CREB5: variants seen among roughly 807,000 people sequenced by gnomAD.
CREB5 encodes the protein cAMP responsive element binding protein 5.
CREB5 carries 19 observed loss-of-function variants against 57.1 expected under a neutral mutation model. The observed-to-expected ratio is 0.33, with a 90% CI of 0.23 to 0.49. The LOEUF is 0.49. Ranked by LOEUF, CREB5 falls within the 20% of genes least tolerant of loss-of-function variation. The pLI, the probability that CREB5 is intolerant of heterozygous loss-of-function variation, is 0.99. For synonymous variants in CREB5, 238 were observed against 238.3 expected, an observed-to-expected ratio of 1.00 and a Z score of 0.01; for missense variants, 579 against 671.6, an observed-to-expected ratio of 0.86 and a Z score of 1.52.
chr7:28,494,732 C>CT (rs1791946887), intron 2 of CREB5, among the ~76,000 whole-genome samples, 174 bp from the exon 3 acceptor site: 1 of 151,086 alleles, frequency 6.6e-6, no homozygotes, highest in African/African-American at 2.4e-5. Flanking sequence ...CATAAAAAAG[C>CT]TTTGCAACTT....
chr7:28,754,956 A>C (rs895394155), intron 7 of CREB5, among the ~76,000 whole-genome samples: 2 of 152,236 alleles, frequency 1.3e-5, no homozygotes, highest in Non-Finnish European at 2.9e-5. Flanking sequence ...CTGAGGCCTG[A>C]GCATATAAAC....
At chr7:28,465,923 T>G (rs2128578939) in intron 1 of CREB5, among the ~76,000 whole-genome samples, 1 of 152,306 alleles carries the variant, frequency 6.6e-6, no homozygotes, top group Non-Finnish European at 1.5e-5. Flanking sequence ...GAGAGACTAT[T>G]TCTCTTGCCT....
At chr7:28,428,773 A>T (rs1361339367) in intron 1 of CREB5, among the ~76,000 whole-genome samples, 1 of 152,148 alleles carries the variant, frequency 6.6e-6, no homozygotes, top group Admixed American at 6.5e-5. Context: ...TCAGGATCAT[A>T]GTCTTGGGCA....
intron 4 of CREB5, among the ~76,000 whole-genome samples, chr7:28,526,072 G>T (rs1793436480): frequency 1.3e-5 from 2 of 152,170 alleles, no homozygotes; most frequent in African/African-American, 2.4e-5. Flanking sequence ...AATGTTCCCT[G>T]GATTTTAGGT....
chr7:28,793,989 T>G (rs1276930174), intron 7 of CREB5, among the ~76,000 whole-genome samples: 1 of 152,154 alleles, frequency 6.6e-6, no homozygotes, highest in Non-Finnish European at 1.5e-5. Flanking sequence ...TGGAGTAAAG[T>G]TTGCTGTGGG....
At chr7:28,778,304 A>C (rs1450871171) in intron 7 of CREB5, among the ~76,000 whole-genome samples, 1 of 152,230 alleles carries the variant, frequency 6.6e-6, no homozygotes, top group Non-Finnish European at 1.5e-5. Context: ...TTAGCTTTTG[A>C]ATTAAAAGCA....
At chr7:28,433,813 A>T (rs911796837) in intron 1 of CREB5, among the ~76,000 whole-genome samples, 9 of 151,730 alleles carry the variant, frequency 5.9e-5, no homozygotes, top group Admixed American at 2.0e-4. Context: ...TACGTTTAGA[A>T]TCATGCCACT....
chr7:28,598,333 CCT>C (rs1796769803), intron 5 of CREB5, among the ~76,000 whole-genome samples: 1 of 152,160 alleles, frequency 6.6e-6, no homozygotes. Flanking sequence ...TCCAATTAAA[CCT>C]CTTTTTCTTC....
intron 4 of CREB5, among the ~76,000 whole-genome samples, chr7:28,560,866 C>CGTGTGTGTGTGCG (rs1562797336): frequency 2.0e-5 from 1 of 50,264 alleles, no homozygotes; most frequent in African/African-American, 7.0e-5. Flanking sequence ...GTGCGTGTGC[C>CGTGTGTGTGTGCG]TGCGTGCGCG....
intron 5 of CREB5, among the ~76,000 whole-genome samples, chr7:28,586,510 G>A (rs572490138): frequency 2.0e-5 from 3 of 152,142 alleles, no homozygotes; most frequent in African/African-American, 7.2e-5. Context: ...GTCTGACCTC[G>A]GGCTCTTTGC....
At chr7:28,643,192 T>C (rs990630590) in intron 5 of CREB5, among the ~76,000 whole-genome samples, 1 of 152,140 alleles carries the variant, frequency 6.6e-6, no homozygotes, top group Non-Finnish European at 1.5e-5. Flanking sequence ...TGCGTAACAA[T>C]GTGAGTATAT....
At position 28,518,510 on chromosome 7, in the gene CREB5, G is replaced by C. The variant is rs117602046; in HGVS notation, c.291+10773G>C. ...TGAACATAAGGTTATTGCTGAATTT[G>C]TTGGCATGGTTGGCCCAGGCATTCC... is the stretch of plus-strand genomic sequence containing the variant. On this transcript the variant is annotated intron_variant, in intron 4 of 10. Coordinates refer to ENST00000357727, the MANE Select transcript of CREB5 (RefSeq NM_182898.4). Among the ~76,000 whole-genome samples the C allele has an allele frequency of 1.6e-4, 24 of 152,300 alleles. No individual in the cohort carries two copies. In the East Asian group the frequency reaches 4.2e-3, roughly 27 times the overall value.
intron 1 of CREB5, among the ~76,000 whole-genome samples, chr7:28,360,160 G>A (rs1294328094): frequency 6.6e-6 from 1 of 152,154 alleles, no homozygotes; most frequent in East Asian, 1.9e-4. Context: ...AAAACCATAT[G>A]GAGATTCCTC....
chr7:28,566,128 G>A (rs1190711505), intron 4 of CREB5, among the ~76,000 whole-genome samples: 4 of 152,138 alleles, frequency 2.6e-5, no homozygotes, highest in African/African-American at 4.8e-5. Flanking sequence ...GTGGCCAAAT[G>A]TGGCCAATCC....
chr7:28,760,012 G>A (rs1805552059), intron 7 of CREB5, among the ~76,000 whole-genome samples: 1 of 152,218 alleles, frequency 6.6e-6, no homozygotes, highest in South Asian at 2.1e-4. Flanking sequence ...ATGCCATGAT[G>A]TCAGTTCTGA....
At position 28,460,842 on chromosome 7, in the gene CREB5, A is replaced by G. The variant is rs533273160; in HGVS notation, c.4-27333A>G. ...GAAAGAAGGAAGTGAGAGGGGAGAA[A>G]AGTAGTTGGAAAAGGAGAAGAAAGC... is the stretch of plus-strand genomic sequence containing the variant. On this transcript the variant is annotated intron_variant, in intron 1 of 10. Transcript: ENST00000357727. 1.7e-4 allele frequency among the ~76,000 whole-genome samples: 26 copies of G among 152,070 alleles called. No homozygotes were observed. In the South Asian group the frequency reaches 5.4e-3, roughly 32 times the overall value.
chr7:28,329,721 C>T (rs1785678473), intron 1 of CREB5, among the ~76,000 whole-genome samples: 1 of 152,212 alleles, frequency 6.6e-6, no homozygotes, highest in African/African-American at 2.4e-5. Flanking sequence ...TCAAAGATAA[C>T]ACTGTAATTC....
chr7:28,514,271 T>A (rs1403737466), intron 4 of CREB5, among the ~76,000 whole-genome samples: 1 of 152,188 alleles, frequency 6.6e-6, no homozygotes, highest in Non-Finnish European at 1.5e-5. Flanking sequence ...ACAGGCAAAG[T>A]GAAGGGGGGA....
intron 1 of CREB5, among the ~76,000 whole-genome samples, chr7:28,395,014 C>T (rs916729273): frequency 6.6e-6 from 1 of 152,118 alleles, no homozygotes; most frequent in Non-Finnish European, 1.5e-5. Context: ...TATCTCTATT[C>T]CCTGAAGGGG....
Sources: allele counts gnomAD v4.1 joint callset (sites outside exome capture counted in the v4.1 genomes callset), GRCh38; gene constraint gnomAD v4.1.1; transcripts MANE v1.5; gene names NCBI Gene and HGNC (gene_info 2026-07-23, HGNC 2026-07-21).